Variants in SORD observed in about 807,000 individuals in gnomAD.
SORD encodes the protein sorbitol dehydrogenase, also known as (R,R)-butanediol dehydrogenase.
SORD carries 18 observed loss-of-function variants against 35.6 expected under a neutral mutation model. The ratio of observed to expected loss-of-function variants is 0.51; its 90% CI spans 0.35 to 0.75. The LOEUF (loss-of-function observed/expected upper bound fraction) is 0.75, where lower values mean the gene tolerates loss of function less well. Ranked by LOEUF, SORD falls within the 30% of genes least tolerant of loss-of-function variation. SORD has a pLI of 0.01. For missense variants in SORD, 250 were observed against 390.2 expected (o/e 0.64, Z 3.03); for synonymous variants, 106 against 152.9 (o/e 0.69, Z 2.26).
intron 3 of SORD, chr15:45,047,197 C>G (rs1372526157): frequency 6.6e-6 from 1 of 152,088 alleles, no homozygotes; most frequent in African/African-American, 2.4e-5. Flanking sequence ...TAAGATGATG[C>G]ACTACCTTCA....
chr15:45,061,637 G>A (rs1369956265), intron 4 of SORD, among the ~76,000 whole-genome samples: 1 of 151,900 alleles, frequency 6.6e-6, no homozygotes, highest in Non-Finnish European at 1.5e-5. Flanking sequence ...GGAGGCCAAG[G>A]CCAGTGGATC....
chr15:45,068,748 A>G (rs1263039899), intron 6 of SORD, 129 bp from the exon 7 acceptor site: 1 of 1,250,100 alleles, frequency 8.0e-7, no homozygotes, highest in African/African-American at 1.6e-5. Flanking sequence ...GTTGGGCTCA[A>G]CACCACCACC....
chr15:45,062,293 T>TC (rs562644760), intron 4 of SORD, among the ~76,000 whole-genome samples: 1 of 152,242 alleles, frequency 6.6e-6, no homozygotes, highest in Non-Finnish European at 1.5e-5. Context: ...CTGTGCCCAC[T>TC]CCCCTACCCT....
chr15:45,068,761 T>C lies in SORD; in HGVS notation c.611-116T>C, dbSNP rs1041486197. 32 of 1,362,374 alleles carry C rather than the reference T, an allele frequency of 2.3e-5. 1 individual carries two copies. The Admixed American group carries it at 2.7e-4, about 12-fold the overall frequency. The allele number at this position is 1,362,374 out of a possible 1,614,324, so 84.4% of individuals were successfully genotyped here. On this transcript the variant is annotated intron_variant, in intron 6 of 8. Coordinates refer to ENST00000267814, the MANE Select transcript of SORD (RefSeq NM_003104.6). ...GTGTTGGGCTCAACACCACCACCCA[T>C]TGCACGAGAGCTTTGTTGCCATCAG... is the stretch of plus-strand genomic sequence containing the variant.
chr15:45,062,001 A>C (rs1893321300), intron 4 of SORD, among the ~76,000 whole-genome samples: 1 of 152,064 alleles, frequency 6.6e-6, no homozygotes. Context: ...CCTCCTGGCA[A>C]GTGATTTTGG....
At chr15:45,068,149 C>T (rs1395956947) in intron 5 of SORD, 32 bp from the exon 6 acceptor site, 2 of 1,576,966 alleles carry the variant, frequency 1.3e-6, no homozygotes, top group African/African-American at 1.3e-5. Context: ...TTTAATATTT[C>T]ACGAACATAT....
chr15:45,052,734 T>C (rs1473646803), intron 3 of SORD, among the ~76,000 whole-genome samples: 1 of 152,068 alleles, frequency 6.6e-6, no homozygotes, highest in Non-Finnish European at 1.5e-5. Flanking sequence ...GCTGAGCCCC[T>C]GTCTATCCAC....
intron 1 of SORD, among the ~76,000 whole-genome samples, chr15:45,038,562 C>T (rs2141268089): frequency 6.6e-6 from 1 of 152,252 alleles, no homozygotes; most frequent in Admixed American, 6.5e-5. Flanking sequence ...AAACCTCTGA[C>T]CTTCCTTGGA....
chr15:45,063,031 G>C (rs1239442006), intron 4 of SORD, among the ~76,000 whole-genome samples: 1 of 147,966 alleles, frequency 6.8e-6, no homozygotes, highest in Non-Finnish European at 1.5e-5. Context: ...AGGCCTGAAA[G>C]AGAGCCTTGT....
At chr15:45,027,811 G>T (rs1348913419) in intron 1 of SORD, among the ~76,000 whole-genome samples, 2 of 152,230 alleles carry the variant, frequency 1.3e-5, no homozygotes, top group African/African-American at 4.8e-5. Flanking sequence ...TTTGGTGGTG[G>T]GGGTGGTGGG....
chr15:45,028,425 G>A (rs1739672751), intron 1 of SORD, among the ~76,000 whole-genome samples: 1 of 152,240 alleles, frequency 6.6e-6, no homozygotes, highest in African/African-American at 2.4e-5. Flanking sequence ...CACCCTCTGA[G>A]TGCACTTTAT....
chr15:45,039,563 C>A (rs1379421979), intron 1 of SORD, among the ~76,000 whole-genome samples: 3 of 152,224 alleles, frequency 2.0e-5, no homozygotes, highest in Non-Finnish European at 4.4e-5. Context: ...AACACTACTA[C>A]AACTACTGCT....
At chr15:45,056,300 T>A (rs1893214060) in intron 3 of SORD, among the ~76,000 whole-genome samples, 2 of 151,974 alleles carry the variant, frequency 1.3e-5, no homozygotes, top group Admixed American at 1.3e-4. Context: ...AGTCTCAGGA[T>A]ACAAAATCAA....
chr15:45,046,525 A>G (rs1476413834), intron 3 of SORD, among the ~76,000 whole-genome samples: 70 of 152,202 alleles, frequency 4.6e-4, no homozygotes, highest in Admixed American at 3.5e-3. Flanking sequence ...TTACATAGGC[A>G]TAAACCACCA....
chr15:45,047,589 C>T (rs550052360), intron 3 of SORD, among the ~76,000 whole-genome samples: 2 of 152,282 alleles, frequency 1.3e-5, no homozygotes, highest in African/African-American at 4.8e-5. Context: ...TGGTAAATGG[C>T]AGGACTTGAT....
intron 3 of SORD, among the ~76,000 whole-genome samples, chr15:45,057,889 A>G (rs890841989): frequency 6.6e-6 from 1 of 152,248 alleles, no homozygotes; most frequent in African/African-American, 2.4e-5. Flanking sequence ...ATATCCTCCC[A>G]TACAGTGCCA....
intron 1 of SORD, 45 bp from the exon 2 acceptor site, chr15:45,040,363 G>A: frequency 1.8e-6 from 2 of 1,091,952 alleles, no homozygotes; most frequent in Non-Finnish European, 2.8e-6. Flanking sequence ...ATAAGGTGAA[G>A]TTCTTATGCA....
intron 4 of SORD, among the ~76,000 whole-genome samples, chr15:45,062,193 G>A (rs140092649): frequency 1.3e-3 from 199 of 152,166 alleles, no homozygotes; most frequent in African/African-American, 4.5e-3. Flanking sequence ...CCGTTATTGG[G>A]TTAACCAAGG....
At chr15:45,037,667 T>G (rs1466570156) in intron 1 of SORD, among the ~76,000 whole-genome samples, 1 of 152,162 alleles carries the variant, frequency 6.6e-6, no homozygotes, top group East Asian at 1.9e-4. Flanking sequence ...TGGATGAAGC[T>G]GGAAGCCATC....
Sources: gnomAD v4.1 joint callset for allele counts (sites outside exome capture counted in the v4.1 genomes callset) on GRCh38, gnomAD v4.1.1 for gene constraint, MANE v1.5 for transcripts, NCBI Gene and HGNC (gene_info 2026-07-23, HGNC 2026-07-21) for gene names.